Variants in ABCA10 observed in about 807,000 individuals in gnomAD.
ABCA10 encodes ATP binding cassette subfamily A member 10.
A neutral mutation model predicts 187.5 loss-of-function variants in ABCA10; 169 were observed. That is an observed-to-expected ratio of 0.90 (90% CI 0.80 to 1.02). The LOEUF (loss-of-function observed/expected upper bound fraction) is 1.02. Among genes scored for constraint, ABCA10 ranks in the 50% least tolerant of loss-of-function variants. The pLI is 0.00. For synonymous variants in ABCA10, 574 were observed against 601.8 expected, an observed-to-expected ratio of 0.95 and a Z score of 0.68; for missense variants, 1,727 against 1,812.4, an observed-to-expected ratio of 0.95 and a Z score of 0.86.
At position 69,192,312 on chromosome 17, in the gene ABCA10, AAAAC is replaced by A. The variant is rs111271676; in HGVS notation, c.1871+247_1871+250del. ...AACAGAGCGAGACTGTGTCTTCAAA[AAAAC>A]AAACAAACAAACAAACAAACAAAAA... On this transcript the variant is annotated intron_variant, in intron 16 of 38. Transcript: ENST00000690296. Among the ~76,000 whole-genome samples the A allele has an allele frequency of 1.0e-3, 154 of 150,742 alleles. 1 individual carries two copies. The highest frequency in any genetic ancestry group is 5.6e-3 in the Admixed American group (85 of 15,152).
At chr17:69,234,929 C>G (rs2074856928) in intron 1 of ABCA10, 1 of 152,066 alleles carries the variant, frequency 6.6e-6, no homozygotes, top group Non-Finnish European at 1.5e-5. Flanking sequence ...TTTTGCTCAT[C>G]TTGATGCTTT....
In ABCA10 at chr17:69,211,528, C is replaced by A. The variant is rs186245400; in HGVS notation, c.1006+3176G>T. Among the ~76,000 whole-genome samples, 348 of 151,504 alleles carry A rather than the reference C, an allele frequency of 2.3e-3. 4 individuals carry two copies. Among genetic ancestry groups the A allele is most frequent in the Admixed American group, 0.02 (297 of 15,218 alleles). The stretch of plus-strand genomic sequence containing the variant: ...TAGGGAGGATTCCCTCTTTCTCTAT[C>A]TTTTGAAATAGTGTCAATAGGATAG... On this transcript the variant is annotated intron_variant, in intron 9 of 38. Transcript: ENST00000690296.
Position 69,182,293 on chromosome 17 carries a change from T to C in ABCA10, c.2632-3A>G. On this transcript the variant is annotated splice_region_variant and splice_polypyrimidine_tract_variant and intron_variant, in intron 21 of 38. Transcript: ENST00000690296. ...CACGCAACAGAAAATCTGTAATCCT[T>C]GAAAAAAAGTACACAAATATAAGTT... 2 of 1,511,556 alleles carry C rather than the reference T, an allele frequency of 1.3e-6. No individual in the cohort carries two copies. The highest frequency in any genetic ancestry group is 1.8e-6 in the Non-Finnish European group (2 of 1,127,136). 93.6% of individuals were successfully genotyped at this position (1,511,556 alleles called of 1,614,324 possible). A position where few individuals can be genotyped will look rare whatever the true frequency, so the allele number is the denominator to read the frequency against.
intron 22 of ABCA10, among the ~76,000 whole-genome samples, chr17:69,179,607 A>G (rs1441340619): frequency 7.1e-6 from 1 of 139,956 alleles, no homozygotes; most frequent in Non-Finnish European, 1.6e-5. Context: ...AGAAAGGAGG[A>G]AGGAAGAAGC....
chr17:69,214,928 G>C (rs1338210365), intron 8 of ABCA10, 77 bp from the exon 9 acceptor site: 1 of 1,022,902 alleles, frequency 9.8e-7, no homozygotes, highest in Admixed American at 3.2e-5. Flanking sequence ...AAAAAATAGT[G>C]GTACCTAGAG....
Position 69,201,448 on chromosome 17 carries a change from T to C in ABCA10, c.1175+52A>G, listed in dbSNP as rs1403191875. ...TATCAACATTTGACCTGCAGCTTCA[T>C]TTACTAAGCTTTTACCTATAAGTGT... On this transcript the variant is annotated intron_variant, in intron 10 of 38. Coordinates refer to ENST00000690296, the MANE Select transcript of ABCA10 (RefSeq NM_001377321.1). 13 of 1,390,460 alleles carry C rather than the reference T, an allele frequency of 9.3e-6. No individual in the cohort carries two copies. The Admixed American group carries it at 3.2e-4, about 34-fold the overall frequency. The allele number at this position is 1,390,460 out of a possible 1,614,324, so 86.1% of individuals were successfully genotyped here.
In ABCA10 at chr17:69,201,779, CATTTAT is replaced by C. The variant is rs138369917; in HGVS notation, c.1007-117_1007-112del. ...TTGAACTTAAGTTATTTATCTTGGG[CATTTAT>C]ATTTATAATTTTTTTTTTTGAGACA... is the stretch of plus-strand genomic sequence containing the variant. On this transcript the variant is annotated intron_variant, in intron 9 of 38. Coordinates refer to ENST00000690296, the MANE Select transcript of ABCA10 (RefSeq NM_001377321.1). The C allele has an allele frequency of 2.4e-3, 2,256 of 937,282 alleles. 21 individuals carry two copies. The African/African-American group carries it at 0.031, about 13-fold the overall frequency. The allele number at this position is 937,282 out of a possible 1,614,324, so 58.1% of individuals were successfully genotyped here. A position where few individuals can be genotyped will look rare whatever the true frequency, so the allele number is the denominator to read the frequency against.
At chr17:69,172,162 A>G (rs2074303053) in intron 25 of ABCA10, among the ~76,000 whole-genome samples, 1 of 152,096 alleles carries the variant, frequency 6.6e-6, no homozygotes, top group Non-Finnish European at 1.5e-5. Flanking sequence ...TCCTCAAAAT[A>G]TGGTGTTGGA....
At chr17:69,154,418 G>GTT in intron 30 of ABCA10, 92 bp from the exon 31 acceptor site, 1 of 639,232 alleles carries the variant, frequency 1.6e-6, no homozygotes, top group Non-Finnish European at 2.4e-6. Context: ...GAAACAAAAT[G>GTT]ACTTTTTTTT....
chr17:69,210,004 T>C (rs1312012387), intron 9 of ABCA10, among the ~76,000 whole-genome samples: 1 of 151,826 alleles, frequency 6.6e-6, no homozygotes, highest in East Asian at 1.9e-4. Flanking sequence ...TACATTAGGT[T>C]TTAGGATTAT....
chr17:69,215,815 C>T lies in ABCA10; in HGVS notation c.858G>A (p.Gln286=). ...SPFAFTAGMA[Q]ITHLDNYLSG... is the part of the protein sequence containing the mutation. ...AATCTTGAAATAATTATGTTCTTAC[C>T]TGGGCCATTCCAGCAGTGAAGGCAA... The change falls in exon 8 of 39, where the codon CAG becomes CAA. Residue 286 remains glutamine (Q), a splice_region_variant and synonymous_variant. Transcript: ENST00000690296. 6.4e-7 allele frequency: 1 copy of T among 1,559,578 alleles called. No homozygotes were observed. Among genetic ancestry groups the T allele is most frequent in the Non-Finnish European group, 8.6e-7 (1 of 1,159,890 alleles).
At chr17:69,229,803 C>A (rs1160091603), upstream of ABCA10, among the ~76,000 whole-genome samples, 4 of 151,972 alleles carry the variant, frequency 2.6e-5, no homozygotes, top group East Asian at 1.9e-4. Context: ...AAATAGAAAA[C>A]ATGAAACTTA....
chr17:69,180,523 G>A (rs1012372338), intron 22 of ABCA10, among the ~76,000 whole-genome samples: 5 of 152,004 alleles, frequency 3.3e-5, no homozygotes, highest in African/African-American at 7.2e-5. Flanking sequence ...AGACAACATC[G>A]ATTCTATATT....
At chr17:69,157,532 T>C (rs1361388712) in intron 27 of ABCA10, among the ~76,000 whole-genome samples, 3 of 152,142 alleles carry the variant, frequency 2.0e-5, no homozygotes, top group African/African-American at 7.2e-5. Flanking sequence ...TACACAGACT[T>C]GGAGCCCAAA....
Position 69,193,590 on chromosome 17 carries a change from A to G in ABCA10, c.1544T>C (p.Leu515Ser). 1 of 1,608,658 alleles carries G rather than the reference A, an allele frequency of 6.2e-7. No homozygotes were observed. The highest frequency in any genetic ancestry group is 8.5e-7 in the Non-Finnish European group (1 of 1,176,384). The part of the protein sequence containing the change: ...EQEVKRIIME[L>S]DMQSIQDIIA... ...AATGTCTTGAATGCTTTGCATGTCT[A>G]ATTCCATTATAATTCTTTTTACCTA... The change falls in exon 14 of 39, where the codon TTA (leucine) becomes TCA (serine). Residue 515 changes from leucine to serine, a missense_variant. Transcript: ENST00000690296.
At chr17:69,239,988 T>G (rs950554885) in intron 1 of ABCA10, among the ~76,000 whole-genome samples, 1 of 152,178 alleles carries the variant, frequency 6.6e-6, no homozygotes, top group African/African-American at 2.4e-5. Flanking sequence ...GGTGGGCAAT[T>G]GCTTTTTCCA....
At chr17:69,193,071 C>T (rs1162635743) in intron 15 of ABCA10, 39 bp downstream of exon 15, 1 of 1,554,672 alleles carries the variant, frequency 6.4e-7, no homozygotes, top group Admixed American at 2.1e-5. Flanking sequence ...CATGTTAAAT[C>T]CTTAAATAAC....
At chr17:69,242,742 C>T (rs915296235) in intron 1 of ABCA10, among the ~76,000 whole-genome samples, 1 of 152,144 alleles carries the variant, frequency 6.6e-6, no homozygotes, top group South Asian at 2.1e-4. Context: ...CCACTGCACC[C>T]GGTCTGAGGA....
chr17:69,244,832 T>C (rs1338059939), exon 1 of ABCA10: 2 of 150,874 alleles, frequency 1.3e-5, no homozygotes, highest in South Asian at 4.2e-4. Flanking sequence ...CTATAAAACG[T>C]TGTTAGTACT....
Sources: allele counts gnomAD v4.1 joint callset (sites outside exome capture counted in the v4.1 genomes callset), GRCh38; gene constraint gnomAD v4.1.1; transcripts MANE v1.5; gene names NCBI Gene and HGNC (gene_info 2026-07-23, HGNC 2026-07-21).